Variants in DCDC1 observed in about 807,000 individuals in gnomAD.
The protein encoded by DCDC1 is doublecortin domain containing 1, also known as doublecortin domain-containing protein 1.
In DCDC1, 200 loss-of-function variants were observed where a neutral mutation model predicts 178.3. That is an observed-to-expected ratio of 1.12 (90% CI 1.00 to 1.26). The LOEUF (loss-of-function observed/expected upper bound fraction) is 1.26. DCDC1 is among the 50% of genes most tolerant of loss of function. The pLI is 0.00. For missense variants in DCDC1, 1,983 were observed against 1,749.2 expected, an observed-to-expected ratio of 1.13 and a Z score of -2.38; for synonymous variants, 690 against 604.8, an observed-to-expected ratio of 1.14 and a Z score of -2.07.
intron 20 of DCDC1, among the ~76,000 whole-genome samples, chr11:31,056,936 C>A (rs1163103022): frequency 2.0e-5 from 3 of 151,994 alleles, no homozygotes; most frequent in Non-Finnish European, 4.4e-5. Flanking sequence ...ATAAAGAAAT[C>A]TCAACAAATT....
At chr11:31,213,270 G>A (rs576963897) in intron 9 of DCDC1, among the ~76,000 whole-genome samples, 24 of 150,946 alleles carry the variant, frequency 1.6e-4, no homozygotes, top group Admixed American at 4.0e-4. Context: ...GTCTATTTTC[G>A]CCTCATGTCA....
intron 21 of DCDC1, among the ~76,000 whole-genome samples, chr11:30,948,823 C>A (rs1213851092): frequency 6.6e-6 from 1 of 152,042 alleles, no homozygotes; most frequent in Non-Finnish European, 1.5e-5. Context: ...TGAAACTGGA[C>A]CCCTTCCTTA....
At chr11:30,989,020 T>C (rs1432007187) in intron 20 of DCDC1, among the ~76,000 whole-genome samples, 1 of 152,184 alleles carries the variant, frequency 6.6e-6, no homozygotes, top group Admixed American at 6.5e-5. Flanking sequence ...GATATTTCTA[T>C]GGCATTCCAA....
At chr11:30,981,373 T>C (rs953256323) in intron 20 of DCDC1, among the ~76,000 whole-genome samples, 7 of 152,138 alleles carry the variant, frequency 4.6e-5, no homozygotes, top group Non-Finnish European at 1.0e-4. Context: ...TTCATACAAC[T>C]GCTATAAAGA....
Position 31,346,463 on chromosome 11 carries a change from CAAAAAAA to C in DCDC1, c.-124-10906_-124-10900del, listed in dbSNP as rs377761189. Among the ~76,000 whole-genome samples the C allele has an allele frequency of 2.3e-4, 19 of 83,734 alleles. No individual in the cohort carries two copies. In the East Asian group the frequency reaches 4.5e-3, roughly 20 times the overall value. 54.9% of individuals were successfully genotyped at this position (83,734 alleles called of 152,430 possible). A position where few individuals can be genotyped will look rare whatever the true frequency, so the allele number is the denominator to read the frequency against. The stretch of plus-strand genomic sequence containing the variant: ...TGGGCGACAGAAGGAGACTCCGTCT[CAAAAAAA>C]AAAAAAAAAAAAAAAAAAGAAATCA... On this transcript the variant is annotated intron_variant, in intron 1 of 38. Coordinates refer to ENST00000684477, the MANE Select transcript of DCDC1 (RefSeq NM_001387274.1).
At chr11:31,119,832 AG>A in intron 11 of DCDC1, among the ~76,000 whole-genome samples, 1 of 146,220 alleles carries the variant, frequency 6.8e-6, no homozygotes, top group South Asian at 2.1e-4. Flanking sequence ...AAATGTAAAG[AG>A]GCCTGGGAAC....
intron 6 of DCDC1, among the ~76,000 whole-genome samples, chr11:31,303,883 A>T (rs937661904): frequency 2.0e-5 from 3 of 152,126 alleles, no homozygotes; most frequent in Non-Finnish European, 4.4e-5. Flanking sequence ...ATAAAGATTG[A>T]TTATCAGTCA....
chr11:31,130,406 C>T (rs1235446549), intron 10 of DCDC1, among the ~76,000 whole-genome samples: 1 of 152,076 alleles, frequency 6.6e-6, no homozygotes, highest in Admixed American at 6.6e-5. Flanking sequence ...GCTTTAAGAA[C>T]CATTGTGCAG....
intron 11 of DCDC1, among the ~76,000 whole-genome samples, chr11:31,117,082 A>G (rs1960074503): frequency 6.6e-6 from 1 of 152,138 alleles, no homozygotes; most frequent in African/African-American, 2.4e-5. Flanking sequence ...TTGAAATTTC[A>G]GTTAGAGATT....
intron 9 of DCDC1, among the ~76,000 whole-genome samples, chr11:31,172,495 A>G (rs1025414351): frequency 6.6e-6 from 1 of 152,188 alleles, no homozygotes; most frequent in Non-Finnish European, 1.5e-5. Context: ...CTCAAACAAC[A>G]TGGAGGCCAG....
chr11:31,366,754 C>T (rs1222540138), intron 1 of DCDC1, among the ~76,000 whole-genome samples: 1 of 152,098 alleles, frequency 6.6e-6, no homozygotes, highest in Non-Finnish European at 1.5e-5. Flanking sequence ...GATGCTGCAG[C>T]CAAGGAGATG....
At chr11:31,346,938 A>G (rs1415496172) in intron 1 of DCDC1, among the ~76,000 whole-genome samples, 1 of 152,224 alleles carries the variant, frequency 6.6e-6, no homozygotes, top group Non-Finnish European at 1.5e-5. Flanking sequence ...AAATAGTTTT[A>G]TTTTTTAAAT....
chr11:30,959,330 G>A (rs1275372550), intron 20 of DCDC1, among the ~76,000 whole-genome samples: 1 of 152,120 alleles, frequency 6.6e-6, no homozygotes, highest in Non-Finnish European at 1.5e-5. Context: ...CTAAGAGGTA[G>A]ACTGTACTGG....
chr11:31,064,353 A>C, intron 20 of DCDC1, 116 bp downstream of exon 20: 1 of 604,984 alleles, frequency 1.7e-6, no homozygotes, highest in South Asian at 2.4e-5. Context: ...CTACGCTTGA[A>C]AGCCAAAGGG....
intron 9 of DCDC1, among the ~76,000 whole-genome samples, chr11:31,191,881 A>T (rs905570345): frequency 6.6e-6 from 1 of 152,054 alleles, no homozygotes; most frequent in Non-Finnish European, 1.5e-5. Flanking sequence ...CCACCTCTCC[A>T]GTATACATTA....
At chr11:31,153,979 C>T (rs1965464070) in intron 9 of DCDC1, among the ~76,000 whole-genome samples, 1 of 152,092 alleles carries the variant, frequency 6.6e-6, no homozygotes, top group African/African-American at 2.4e-5. Flanking sequence ...ATTGTAATCA[C>T]CAGTGTTGGG....
At chr11:31,196,229 T>C (rs1970678614) in intron 9 of DCDC1, among the ~76,000 whole-genome samples, 1 of 151,898 alleles carries the variant, frequency 6.6e-6, no homozygotes, top group East Asian at 1.9e-4. Context: ...AAACACTATT[T>C]CTGTACACTC....
intron 20 of DCDC1, among the ~76,000 whole-genome samples, chr11:30,969,058 T>A (rs1358279969): frequency 1.3e-5 from 2 of 152,100 alleles, no homozygotes; most frequent in East Asian, 1.9e-4. Flanking sequence ...ATAATGATTC[T>A]TTTTTGGCCA....
chr11:31,264,519 C>G (rs1945010802), intron 8 of DCDC1, among the ~76,000 whole-genome samples: 1 of 152,126 alleles, frequency 6.6e-6, no homozygotes, highest in South Asian at 2.1e-4. Context: ...AGGTTTGCAT[C>G]CCAACTCCAC....
Sources: allele counts gnomAD v4.1 joint callset (sites outside exome capture counted in the v4.1 genomes callset), GRCh38; gene constraint gnomAD v4.1.1; transcripts MANE v1.5; gene names NCBI Gene and HGNC (gene_info 2026-07-23, HGNC 2026-07-21).